The following HS3ST4 variants were observed in gnomAD, a reference collection of about 807,000 sequenced individuals.
HS3ST4 encodes the protein heparan sulfate-glucosamine 3-sulfotransferase 4, also known as heparan sulfate glucosamine 3-O-sulfotransferase 4.
A neutral mutation model predicts 29.2 loss-of-function variants in HS3ST4; 17 were observed. The ratio of observed to expected loss-of-function variants is 0.58; its 90% CI spans 0.40 to 0.87. The LOEUF is 0.87. Ranked by LOEUF, HS3ST4 falls within the 40% of genes least tolerant of loss-of-function variation. HS3ST4 has a pLI of 0.00. For synonymous variants in HS3ST4, 314 were observed against 285.7 expected (o/e 1.10, Z -1.00); for missense variants, 627 against 634.5 (o/e 0.99, Z 0.13).
chr16:25,934,506 T>C (rs769821642), intron 1 of HS3ST4, among the ~76,000 whole-genome samples: 2 of 152,160 alleles, frequency 1.3e-5, no homozygotes, highest in Non-Finnish European at 2.9e-5. Context: ...CTTTGCAGCA[T>C]TGTGGGCTCC....
At chr16:26,117,905 A>C (rs960553378) in intron 1 of HS3ST4, among the ~76,000 whole-genome samples, 1 of 152,226 alleles carries the variant, frequency 6.6e-6, no homozygotes, top group African/African-American at 2.4e-5. Flanking sequence ...CTTGATTCCA[A>C]GTGGGGAGGT....
At chr16:25,963,053 G>T (rs1332024504) in intron 1 of HS3ST4, among the ~76,000 whole-genome samples, 1 of 152,140 alleles carries the variant, frequency 6.6e-6, no homozygotes, top group African/African-American at 2.4e-5. Context: ...AGCAGGGGTA[G>T]CAGAAGAAAA....
intron 1 of HS3ST4, among the ~76,000 whole-genome samples, chr16:26,112,084 T>A (rs1307263546): frequency 6.6e-6 from 1 of 151,890 alleles, no homozygotes; most frequent in Non-Finnish European, 1.5e-5. Flanking sequence ...CCCCAGTAGA[T>A]GGTGCTGTGT....
chr16:25,936,962 T>G (rs1029053434), intron 1 of HS3ST4, among the ~76,000 whole-genome samples: 1 of 152,202 alleles, frequency 6.6e-6, no homozygotes, highest in Non-Finnish European at 1.5e-5. Context: ...CACCAAATAT[T>G]TGGCATTTGG....
chr16:25,867,014 A>G (rs1967702671), intron 1 of HS3ST4, among the ~76,000 whole-genome samples: 1 of 152,200 alleles, frequency 6.6e-6, no homozygotes, highest in South Asian at 2.1e-4. Context: ...TGGAAGACCC[A>G]CCCAATTCAC....
chr16:25,896,219 A>C (rs1434867905), intron 1 of HS3ST4, among the ~76,000 whole-genome samples: 3 of 152,186 alleles, frequency 2.0e-5, no homozygotes, highest in Admixed American at 6.5e-5. Context: ...AGGTGGAGTG[A>C]TGTGTCTTGG....
chr16:25,809,065 C>T (rs1489751635), intron 1 of HS3ST4, among the ~76,000 whole-genome samples: 2 of 152,076 alleles, frequency 1.3e-5, no homozygotes, highest in African/African-American at 4.8e-5. Flanking sequence ...TTCTTCCTTT[C>T]CGATATCTAT....
intron 1 of HS3ST4, among the ~76,000 whole-genome samples, chr16:25,889,707 T>C (rs1346316902): frequency 6.6e-6 from 1 of 152,190 alleles, no homozygotes; most frequent in Non-Finnish European, 1.5e-5. Context: ...TATTGTGTGC[T>C]ACACTCCCTG....
intron 1 of HS3ST4, among the ~76,000 whole-genome samples, chr16:25,787,649 A>G (rs530537412): frequency 6.6e-6 from 1 of 152,340 alleles, no homozygotes; most frequent in South Asian, 2.1e-4. Flanking sequence ...TAAATCAAAA[A>G]TAGAGGAAGC....
chr16:25,907,084 C>G (rs999614324), intron 1 of HS3ST4, among the ~76,000 whole-genome samples: 1 of 152,016 alleles, frequency 6.6e-6, no homozygotes, highest in Non-Finnish European at 1.5e-5. Context: ...GTAGTCCTAG[C>G]GACTAGAGAG....
intron 1 of HS3ST4, among the ~76,000 whole-genome samples, chr16:25,868,775 C>T (rs1967720767): frequency 6.6e-6 from 1 of 152,182 alleles, no homozygotes; most frequent in East Asian, 1.9e-4. Context: ...TGCTGAATCC[C>T]TGCTGCGTTC....
At chr16:25,897,479 C>T (rs536128820) in intron 1 of HS3ST4, among the ~76,000 whole-genome samples, 1 of 152,224 alleles carries the variant, frequency 6.6e-6, no homozygotes, top group African/African-American at 2.4e-5. Context: ...ATAAAATTGG[C>T]CCAAAGGGGC....
At chr16:25,852,357 A>G (rs1421536280) in intron 1 of HS3ST4, among the ~76,000 whole-genome samples, 1 of 152,126 alleles carries the variant, frequency 6.6e-6, no homozygotes, top group Non-Finnish European at 1.5e-5. Flanking sequence ...GGTTTGTTAC[A>G]TAGGTCAACG....
intron 1 of HS3ST4, among the ~76,000 whole-genome samples, chr16:26,093,176 G>C (rs980191424): frequency 1.3e-5 from 2 of 152,178 alleles, no homozygotes; most frequent in Non-Finnish European, 1.5e-5. Context: ...CTGAACAAAA[G>C]GCAGCAGACA....
At chr16:25,935,644 A>G (rs908832046) in intron 1 of HS3ST4, among the ~76,000 whole-genome samples, 2 of 152,136 alleles carry the variant, frequency 1.3e-5, no homozygotes, top group African/African-American at 4.8e-5. Context: ...TTGTGGCTTG[A>G]TCACTCATTC....
intron 1 of HS3ST4, among the ~76,000 whole-genome samples, chr16:26,009,544 C>G (rs1453001506): frequency 6.6e-6 from 1 of 152,176 alleles, no homozygotes; most frequent in Non-Finnish European, 1.5e-5. Flanking sequence ...CACTGCCTAT[C>G]CATGCTTCCT....
At chr16:26,135,580 A>AC (rs772751215) in intron 1 of HS3ST4, 32 bp from the exon 2 acceptor site, 25 of 1,547,840 alleles carry the variant, frequency 1.6e-5, no homozygotes, top group Non-Finnish European at 2.0e-5. Context: ...GACAGGAATA[A>AC]CCATTCTCTT....
intron 1 of HS3ST4, among the ~76,000 whole-genome samples, chr16:25,809,841 T>C (rs1416613929): frequency 2.6e-5 from 4 of 152,176 alleles, no homozygotes; most frequent in Non-Finnish European, 5.9e-5. Flanking sequence ...AGATACCCTG[T>C]TCCATTCCTC....
chr16:26,015,071 G>A (rs796361453), intron 1 of HS3ST4, among the ~76,000 whole-genome samples: 11 of 152,292 alleles, frequency 7.2e-5, no homozygotes, highest in South Asian at 2.1e-4. Context: ...TGTTAGAGTC[G>A]TATTTGGAGT....
Sources: allele counts gnomAD v4.1 joint callset (sites outside exome capture counted in the v4.1 genomes callset), GRCh38; gene constraint gnomAD v4.1.1; transcripts MANE v1.5; gene names NCBI Gene and HGNC (gene_info 2026-07-23, HGNC 2026-07-21).